Variants in PSD2 observed in about 807,000 individuals in gnomAD.
PSD2 encodes pleckstrin and Sec7 domain containing 2, also known as PH and SEC7 domain-containing protein 2.
Under a neutral mutation model 69.8 loss-of-function variants are expected in PSD2, and 38 were observed. The observed-to-expected ratio is 0.54, with a 90% CI of 0.42 to 0.71. PSD2 has a LOEUF of 0.71. PSD2 is among the 30% of genes least tolerant of loss of function. The pLI is 0.00. For synonymous variants in PSD2, 412 were observed against 423.0 expected (o/e 0.97, Z 0.32); for missense variants, 943 against 1,014.5 (o/e 0.93, Z 0.96).
At chr5:139,745,526 G>A in the PSD2 span, among the ~76,000 whole-genome samples, 1 of 152,252 alleles carries the variant, frequency 6.6e-6, no homozygotes, top group South Asian at 2.1e-4. Context: ...ATGGGTGGGC[G>A]GGGCCGACGC....
chr5:139,803,012 T>C (rs1188637919), intron 1 of PSD2, among the ~76,000 whole-genome samples: 2 of 152,068 alleles, frequency 1.3e-5, no homozygotes, highest in African/African-American at 2.4e-5. Flanking sequence ...GGAAAGCAGG[T>C]GGGGGCTGGT....
At chr5:139,767,133 C>T in the PSD2 span, among the ~76,000 whole-genome samples, 3 of 151,562 alleles carry the variant, frequency 2.0e-5, no homozygotes, top group Non-Finnish European at 2.9e-5. Flanking sequence ...GCTGGGACTA[C>T]AGGCACCCGC....
At chr5:139,755,121 GC>G in the PSD2 span, among the ~76,000 whole-genome samples, 1 of 152,150 alleles carries the variant, frequency 6.6e-6, no homozygotes, top group African/African-American at 2.4e-5. Flanking sequence ...TAAGCCATCT[GC>G]CCCAGCCTCA....
chr5:139,813,704 G>T lies in PSD2; in HGVS notation c.767G>T (p.Gly256Val), dbSNP rs3797903. 539 of 1,613,502 alleles carry T rather than the reference G, an allele frequency of 3.3e-4. 2 individuals carry two copies. In the African/African-American group the frequency reaches 5.9e-3, roughly 18 times the overall value. Residue 256 changes from glycine (G) to valine (V), a missense_variant, in exon 3 of 15, where the codon GGG becomes GTG. Around this residue, in one of 3 missense-constraint regions of PSD2, gnomAD observed 466 missense variants for 445.0 expected, o/e 1.05. Coordinates refer to ENST00000274710, the MANE Select transcript of PSD2 (RefSeq NM_032289.4). ...CATGAAGATGGCCCTCAGGGCCCAG[G>T]GGGGGATGAGGATGATGATGAGGAG... ...GFHEDGPQGP[G>V]GDEDDDEEDT... is the part of the protein sequence containing the mutation.
At chr5:139,830,578 CTT>C (rs1156622898) in intron 7 of PSD2, among the ~76,000 whole-genome samples, 10 of 134,942 alleles carry the variant, frequency 7.4e-5, no homozygotes, top group African/African-American at 2.7e-4. Flanking sequence ...TTCTTTCTTT[CTT>C]TCTTTCTTTC....
intron 2 of PSD2, 120 bp downstream of exon 2, chr5:139,809,931 C>T (rs1406309824): frequency 1.4e-5 from 15 of 1,096,856 alleles, no homozygotes; most frequent in African/African-American, 1.6e-5. Context: ...ATGGGGATTT[C>T]ATATCCCTCT....
chr5:139,807,658 C>T (rs1289236492), intron 1 of PSD2, among the ~76,000 whole-genome samples: 3 of 152,088 alleles, frequency 2.0e-5, no homozygotes, highest in East Asian at 3.8e-4. Context: ...AAACGGGCGG[C>T]GTCCCAGGTC....
At chr5:139,760,539 G>T in the PSD2 span, among the ~76,000 whole-genome samples, 5 of 152,132 alleles carry the variant, frequency 3.3e-5, no homozygotes, top group Admixed American at 2.0e-4. Context: ...GGGTTGTGCC[G>T]CCAGGAGAGT....
chr5:139,842,518 T>C lies in PSD2; in HGVS notation c.*44T>C. The stretch of plus-strand genomic sequence containing the variant: ...CCCCAGGGTGGGCAGATGTCTCCAG[T>C]GGGGTCAGTGAGCACAATTCCAGCC... On this transcript the variant is annotated 3_prime_UTR_variant, in exon 15 of 15. Transcript: ENST00000274710. 2 of 1,567,122 alleles carry C rather than the reference T, an allele frequency of 1.3e-6. No individual in the cohort carries two copies. Among genetic ancestry groups the C allele is most frequent in the Non-Finnish European group, 1.8e-6 (2 of 1,141,826 alleles).
intron 5 of PSD2, among the ~76,000 whole-genome samples, chr5:139,821,630 C>G (rs1186910479): frequency 6.6e-6 from 1 of 152,220 alleles, no homozygotes; most frequent in Non-Finnish European, 1.5e-5. Context: ...TCTTCACCAT[C>G]TGTCCTCTGC....
intron 1 of PSD2, among the ~76,000 whole-genome samples, chr5:139,796,840 G>A (rs1424764469): frequency 3.9e-5 from 6 of 152,238 alleles, no homozygotes; most frequent in African/African-American, 1.4e-4. Flanking sequence ...AGAAGCAGCA[G>A]TCACAATGGA....
At chr5:139,754,412 A>G in the PSD2 span, among the ~76,000 whole-genome samples, 3 of 151,944 alleles carry the variant, frequency 2.0e-5, no homozygotes, top group South Asian at 4.2e-4. Context: ...AAAATTAAAA[A>G]ATTAGCTGGG....
At chr5:139,784,521 C>T in the PSD2 span, among the ~76,000 whole-genome samples, 41 of 152,162 alleles carry the variant, frequency 2.7e-4, no homozygotes, top group Non-Finnish European at 1.2e-4. Flanking sequence ...TGGCCCAAAA[C>T]TTTGGTGGCT....
At chr5:139,769,104 G>T in the PSD2 span, among the ~76,000 whole-genome samples, 1 of 152,086 alleles carries the variant, frequency 6.6e-6, no homozygotes, top group African/African-American at 2.4e-5. Context: ...CAGCCTGGTG[G>T]GTTGGGGAAG....
intron 4 of PSD2, among the ~76,000 whole-genome samples, chr5:139,815,537 G>T (rs981987964): frequency 6.6e-6 from 1 of 152,048 alleles, no homozygotes; most frequent in Non-Finnish European, 1.5e-5. Context: ...CTCCACACTG[G>T]TTTCCTCTCC....
chr5:139,834,441 G>C (rs1760666705), intron 8 of PSD2, among the ~76,000 whole-genome samples: 1 of 151,368 alleles, frequency 6.6e-6, no homozygotes, highest in African/African-American at 2.4e-5. Flanking sequence ...GCATGCCACT[G>C]TGCCTGGCGA....
chr5:139,810,005 A>T (rs1561595460), intron 2 of PSD2, among the ~76,000 whole-genome samples, 194 bp downstream of exon 2: 1 of 150,052 alleles, frequency 6.7e-6, no homozygotes, highest in African/African-American at 2.5e-5. Context: ...AGGCCAGCAG[A>T]TTGGGGGGCT....
Position 139,837,593 on chromosome 5 carries a change from T to C in PSD2, c.1666-32T>C. ...GGGGAGAGTGGAAGGTGTGGGTCAG[T>C]GACCCTAGCTCGCCCATCCTGCCCC... On this transcript the variant is annotated intron_variant, in intron 11 of 14. Coordinates refer to ENST00000274710, the MANE Select transcript of PSD2 (RefSeq NM_032289.4). This position sits in a 1 kb window ranked among gnomAD's most constrained non-coding sequence, Gnocchi z 5.0. The C allele has an allele frequency of 6.4e-7, 1 of 1,570,520 alleles. No individual in the cohort carries two copies. The highest frequency in any genetic ancestry group is 1.2e-5 in the South Asian group (1 of 85,884).
Position 139,837,609 on chromosome 5 carries a change from A to G in PSD2, c.1666-16A>G. 6.3e-7 allele frequency: 1 copy of G among 1,587,420 alleles called. No homozygotes were observed. Among genetic ancestry groups the G allele is most frequent in the Non-Finnish European group, 8.6e-7 (1 of 1,160,494 alleles). ...GTGGGTCAGTGACCCTAGCTCGCCCATCCTGCCCCACCCAGGATGAGTACA... is the reference window on the plus strand; with the variant it reads ...GTGGGTCAGTGACCCTAGCTCGCCCGTCCTGCCCCACCCAGGATGAGTACA... On this transcript the variant is annotated splice_polypyrimidine_tract_variant and intron_variant, in intron 11 of 14. Coordinates refer to ENST00000274710, the MANE Select transcript of PSD2 (RefSeq NM_032289.4). The surrounding 1 kb of genome is among the most constrained non-coding windows in gnomAD (Gnocchi z 5.0).
Sources: gnomAD v4.1 joint callset for allele counts (sites outside exome capture counted in the v4.1 genomes callset) on GRCh38, gnomAD v4.1.1 for gene constraint, gnomAD v4.1.1 regional missense constraint, Gnocchi (gnomAD v3.1) non-coding constraint, MANE v1.5 for transcripts, NCBI Gene and HGNC (gene_info 2026-07-23, HGNC 2026-07-21) for gene names.